Variants in NOX3 observed in about 807,000 individuals in gnomAD.
NOX3 encodes the protein NADPH oxidase catalytic subunit-like 3.
A neutral mutation model predicts 76.7 loss-of-function variants in NOX3; 74 were observed. That is an observed-to-expected ratio of 0.96 (90% CI 0.80 to 1.17). The LOEUF (loss-of-function observed/expected upper bound fraction) is 1.17. Ranked by LOEUF, NOX3 falls within the 50% of genes most tolerant of loss-of-function variation. NOX3 has a pLI of 0.00. For synonymous variants in NOX3, 263 were observed against 261.1 expected (o/e 1.01, Z -0.07); for missense variants, 695 against 703.3 (o/e 0.99, Z 0.13).
At chr6:155,439,556 C>G (rs973196475) in intron 6 of NOX3, among the ~76,000 whole-genome samples, 4 of 152,168 alleles carry the variant, frequency 2.6e-5, no homozygotes, top group Non-Finnish European at 5.9e-5. Flanking sequence ...CCTGCCCGAA[C>G]AGTGGGTTTC....
At position 155,407,219 on chromosome 6, in the gene NOX3, A is replaced by G. The variant is rs769628869; in HGVS notation, c.1491T>C (p.Thr497=). 1 of 1,614,028 alleles carries G rather than the reference A, an allele frequency of 6.2e-7. No homozygotes were observed. Among genetic ancestry groups the G allele is most frequent in the South Asian group, 1.1e-5 (1 of 91,080 alleles). The change falls in exon 12 of 14, where the codon ACT becomes ACC. Residue 497 remains threonine (T), a synonymous_variant. Transcript: ENST00000159060. ...LHIALHWDEN[T]DVITGLKQKT... ...TCTGCTTTAAGCCTGTAATCACGTC[A>G]GTATTTTCGTCCCAGTGTAAAGCTA... is the stretch of plus-strand genomic sequence containing the variant.
At chr6:155,423,501 T>G (rs1042622327) in intron 9 of NOX3, among the ~76,000 whole-genome samples, 59 of 152,232 alleles carry the variant, frequency 3.9e-4, no homozygotes, top group African/African-American at 1.3e-3. Flanking sequence ...GCTTAGCAAA[T>G]TTTTCTTAAT....
At chr6:155,411,159 C>T (rs1352501573) in intron 11 of NOX3, 55 bp downstream of exon 11, 2 of 1,486,350 alleles carry the variant, frequency 1.3e-6, no homozygotes, top group East Asian at 2.3e-5. Context: ...AATTGTTCCT[C>T]ATTGCTATTA....
At chr6:155,415,076 C>T (rs1364998443) in intron 10 of NOX3, among the ~76,000 whole-genome samples, 1 of 152,176 alleles carries the variant, frequency 6.6e-6, no homozygotes, top group East Asian at 1.9e-4. Context: ...CAAACTCAGC[C>T]ATGTCCATTT....
intron 10 of NOX3, among the ~76,000 whole-genome samples, chr6:155,412,159 C>G (rs376444876): frequency 1.3e-5 from 2 of 152,266 alleles, no homozygotes; most frequent in East Asian, 1.9e-4. Flanking sequence ...ACACCTCTCT[C>G]TCTCGTGCCT....
chr6:155,427,168 T>A (rs1776769577), intron 9 of NOX3, among the ~76,000 whole-genome samples: 2 of 152,126 alleles, frequency 1.3e-5, no homozygotes, highest in Admixed American at 1.3e-4. Context: ...AATAGTCATG[T>A]GTTCTCATCT....
chr6:155,406,315 C>G (rs988776152), intron 12 of NOX3, among the ~76,000 whole-genome samples: 2 of 152,120 alleles, frequency 1.3e-5, no homozygotes, highest in Admixed American at 6.5e-5. Flanking sequence ...CAATGGGGTG[C>G]GAAAGCTCAA....
chr6:155,414,625 T>TTC (rs1776600528), intron 10 of NOX3, among the ~76,000 whole-genome samples: 2 of 74,758 alleles, frequency 2.7e-5, no homozygotes, highest in South Asian at 4.9e-4. Context: ...TTTTCTTTCT[T>TTC]TTTTTTTTTT....
intron 3 of NOX3, among the ~76,000 whole-genome samples, chr6:155,453,796 T>C (rs1460395758): frequency 6.6e-6 from 1 of 152,188 alleles, no homozygotes; most frequent in Non-Finnish European, 1.5e-5. Flanking sequence ...ATAGCCATCA[T>C]CCTCATTCAT....
At chr6:155,412,475 T>C (rs764448405) in intron 10 of NOX3, among the ~76,000 whole-genome samples, 1 of 152,220 alleles carries the variant, frequency 6.6e-6, no homozygotes, top group Non-Finnish European at 1.5e-5. Context: ...GAGTAAAAGA[T>C]GCTGAGAATA....
rs138541489 is a variant in NOX3, at chr6:155,422,669, G to A, written c.1308+25C>T. 276 of 1,610,056 alleles carry A rather than the reference G, an allele frequency of 1.7e-4. 2 individuals are homozygous for A. In the East Asian group the frequency reaches 3.5e-3, roughly 20 times the overall value. Reference sequence around the variant, plus strand: ...ACATTGAACCTTTTAATCCATGGAAGGGTGAACTAATGATTTTTCCGTACC... The same window carrying A: ...ACATTGAACCTTTTAATCCATGGAAAGGTGAACTAATGATTTTTCCGTACC... On this transcript the variant is annotated intron_variant, in intron 10 of 13. Transcript: ENST00000159060.
Position 155,430,926 on chromosome 6 carries a change from A to T in NOX3, c.808T>A (p.Trp270Arg). 1 of 1,606,740 alleles carries T rather than the reference A, an allele frequency of 6.2e-7. No individual in the cohort carries two copies. The highest frequency in any genetic ancestry group is 1.1e-5 in the South Asian group (1 of 90,826). Reference protein sequence around the residue: ...FSGKEPSAWKWILGPVVLYAC... With the variant: ...FSGKEPSAWKRILGPVVLYAC... ...TACAAGACCACAGGGCCTAAAATCC[A>T]TTTCCAAGCCTGAAGAGAGTAGCAG... Residue 270 changes from tryptophan to arginine, a missense_variant, in exon 8 of 14, where the codon TGG (tryptophan) becomes AGG (arginine). Coordinates refer to ENST00000159060, the MANE Select transcript of NOX3 (RefSeq NM_015718.3).
At chr6:155,429,618 A>T (rs1776805563) in intron 8 of NOX3, among the ~76,000 whole-genome samples, 1 of 152,126 alleles carries the variant, frequency 6.6e-6, no homozygotes, top group Admixed American at 6.5e-5. Context: ...TGAGTTTTAG[A>T]TGTAGGGAAG....
intron 12 of NOX3, among the ~76,000 whole-genome samples, chr6:155,398,096 A>G (rs1054045684): frequency 6.6e-6 from 1 of 152,172 alleles, no homozygotes. Flanking sequence ...CTTGAATATT[A>G]CTATTCTTTG....
rs1039052507 is a variant in NOX3 at position 155,440,012 on chromosome 6, C to G, written c.612G>C (p.Trp204Cys). 6.2e-7 allele frequency: 1 copy of G among 1,614,008 alleles called. No homozygotes were observed. The highest frequency in any genetic ancestry group is 1.7e-5 in the Admixed American group (1 of 60,010). Reference sequence around the variant, plus strand: ...AGACGATGAAAACATGGTGTGTGTACCAGAACAACTCATAGGAGGCCTGTC... The same window carrying G: ...AGACGATGAAAACATGGTGTGTGTAGCAGAACAACTCATAGGAGGCCTGTC... Reference protein sequence around the residue: ...FIRQASYELFWYTHHVFIVFF... With the variant: ...FIRQASYELFCYTHHVFIVFF... The change falls in exon 6 of 14, where the codon TGG (tryptophan) becomes TGC (cysteine). Residue 204 changes from tryptophan (W) to cysteine (C), a missense_variant. Trp to Cys is a radical substitution (Grantham distance 215). Transcript: ENST00000159060.
At chr6:155,400,501 A>G (rs1404388782) in intron 12 of NOX3, among the ~76,000 whole-genome samples, 5 of 152,264 alleles carry the variant, frequency 3.3e-5, no homozygotes, top group African/African-American at 1.2e-4. Context: ...ACTCTGTATC[A>G]GACAATGGAC....
At position 155,430,839 on chromosome 6, in the gene NOX3, A is replaced by G. The variant is rs1302650378; in HGVS notation, c.891+4T>C. On this transcript the variant is annotated splice_donor_region_variant and intron_variant, in intron 8 of 13. Transcript: ENST00000159060. ...TTTATTCAGACATAAAGCTACATGC[A>G]TACCTTGGTAATGACAACTTCTTGT... is the stretch of plus-strand genomic sequence containing the variant. 1 of 1,600,774 alleles carries G rather than the reference A, an allele frequency of 6.2e-7. No homozygotes were observed. The highest frequency in any genetic ancestry group is 8.6e-7 in the Non-Finnish European group (1 of 1,168,408).
At chr6:155,449,186 A>G (rs1025582596) in intron 4 of NOX3, among the ~76,000 whole-genome samples, 1 of 151,742 alleles carries the variant, frequency 6.6e-6, no homozygotes, top group African/African-American at 2.4e-5. Flanking sequence ...CTCTCCTCTC[A>G]CCCTGCCCTT....
At chr6:155,406,784 T>G (rs1309737759) in intron 12 of NOX3, among the ~76,000 whole-genome samples, 2 of 152,210 alleles carry the variant, frequency 1.3e-5, no homozygotes, top group Non-Finnish European at 2.9e-5. Context: ...TTGCTAGACA[T>G]GCTAGATAGT....
Sources: gnomAD v4.1 joint callset for allele counts (sites outside exome capture counted in the v4.1 genomes callset) on GRCh38, gnomAD v4.1.1 for gene constraint, MANE v1.5 for transcripts, NCBI Gene and HGNC (gene_info 2026-07-23, HGNC 2026-07-21) for gene names.